Variants in RPTOR observed in about 807,000 individuals in gnomAD.
RPTOR encodes regulatory associated protein of MTOR complex 1, also known as regulatory-associated protein of mTOR.
A neutral mutation model predicts 169.9 loss-of-function variants in RPTOR; 21 were observed. The observed-to-expected ratio is 0.12, with a 90% CI of 0.09 to 0.18. The LOEUF is 0.18. Among genes scored for constraint, RPTOR ranks in the 10% least tolerant of loss-of-function variants. The pLI is 1.00. For synonymous variants in RPTOR, 732 were observed against 753.2 expected, an observed-to-expected ratio of 0.97 and a Z score of 0.46; for missense variants, 1,133 against 1,855.9, an observed-to-expected ratio of 0.61 and a Z score of 7.16.
At chr17:80,594,653 A>AT (rs1181098281) in intron 1 of RPTOR, among the ~76,000 whole-genome samples, 1 of 152,226 alleles carries the variant, frequency 6.6e-6, no homozygotes, top group Non-Finnish European at 1.5e-5. Flanking sequence ...CAGCACAAGA[A>AT]TAAAGCCTTT....
intron 1 of RPTOR, among the ~76,000 whole-genome samples, chr17:80,560,556 T>C (rs2084469382): frequency 6.6e-6 from 1 of 151,906 alleles, no homozygotes; most frequent in Non-Finnish European, 1.5e-5. Flanking sequence ...TCTAAGCCAG[T>C]AGCTGAAACA....
At chr17:80,756,541 T>G (rs1416371864) in intron 6 of RPTOR, among the ~76,000 whole-genome samples, 4 of 152,176 alleles carry the variant, frequency 2.6e-5, no homozygotes, top group Non-Finnish European at 5.9e-5. Context: ...GATGGTGGAA[T>G]AGAAGCCTCC....
At chr17:80,690,560 A>G (rs1401487580) in intron 3 of RPTOR, among the ~76,000 whole-genome samples, 1 of 150,792 alleles carries the variant, frequency 6.6e-6, no homozygotes, top group Non-Finnish European at 1.5e-5. Context: ...CGATCTCGTC[A>G]GTGGCTTCTC....
intron 1 of RPTOR, among the ~76,000 whole-genome samples, chr17:80,547,779 T>C (rs1488041488): frequency 6.6e-6 from 1 of 152,044 alleles, no homozygotes; most frequent in East Asian, 1.9e-4. Flanking sequence ...CATAAGAGAA[T>C]GAAACAGGCC....
chr17:80,851,488 T>A (rs2067792780), intron 11 of RPTOR, among the ~76,000 whole-genome samples: 1 of 78,696 alleles, frequency 1.3e-5, no homozygotes, highest in Admixed American at 1.5e-4. Context: ...AGGAAGATGA[T>A]GTAATGTTTG....
rs566863616 is a variant in RPTOR, at chr17:80,960,260, G to T, written c.3605+55G>T. On this transcript the variant is annotated intron_variant, in intron 30 of 33. Coordinates refer to ENST00000306801, the MANE Select transcript of RPTOR (RefSeq NM_020761.3). The surrounding 1 kb of genome is among the most constrained non-coding windows in gnomAD (Gnocchi z 4.8). ...AGTGCTGGCAGGGTACCTTCCAGGT[G>T]GTAGGGCCGTGTCACTGCCATTTGG... 6.1e-5 allele frequency: 98 copies of T among 1,606,680 alleles called. No individual in the cohort carries two copies. In the African/African-American group the frequency reaches 1.2e-3, roughly 20 times the overall value.
chr17:80,831,651 G>A (rs1318165835), intron 9 of RPTOR, among the ~76,000 whole-genome samples: 1 of 152,230 alleles, frequency 6.6e-6, no homozygotes, highest in Non-Finnish European at 1.5e-5. Context: ...AACTTCCACA[G>A]AGGGCAGCAG....
At chr17:80,850,461 G>T (rs927423288) in intron 11 of RPTOR, among the ~76,000 whole-genome samples, 1 of 152,210 alleles carries the variant, frequency 6.6e-6, no homozygotes, top group Non-Finnish European at 1.5e-5. Context: ...GTCCTCTGTT[G>T]AGGGGTGATC....
At chr17:80,952,928 G>A (rs1207256742) in intron 28 of RPTOR, among the ~76,000 whole-genome samples, 3 of 130,610 alleles carry the variant, frequency 2.3e-5, no homozygotes, top group African/African-American at 9.3e-5. Flanking sequence ...GCAGTGGCGT[G>A]ATCTTGGCTC....
rs971705932 is a variant in RPTOR at position 80,609,161 on chromosome 17, G to T, written c.163-16530G>T. 6.6e-6 allele frequency among the ~76,000 whole-genome samples: 1 copy of T among 152,174 alleles called. No homozygotes were observed. The highest frequency in any genetic ancestry group is 1.5e-5 in the Non-Finnish European group (1 of 68,030). On this transcript the variant is annotated intron_variant, in intron 1 of 33. Coordinates refer to ENST00000306801, the MANE Select transcript of RPTOR (RefSeq NM_020761.3). This position sits in a 1 kb window ranked among gnomAD's most constrained non-coding sequence, Gnocchi z 4.8. ...CACTAGCCTGCCTCGGGCTGCAGGG[G>T]GCGGGGAGCACATGCGGCGTGCAGA...
rs1166441558 is a variant in RPTOR, at chr17:80,964,804, C to T, written c.*474C>T. ...CGAGAGGCGCTGCCCCAGCCAGGCC[C>T]ACCACCTCTCACAGTCAGTGCACGC... is the stretch of plus-strand genomic sequence containing the variant. On this transcript the variant is annotated 3_prime_UTR_variant, in exon 34 of 34. Transcript: ENST00000306801. 1 of 241,282 alleles carries T rather than the reference C, an allele frequency of 4.1e-6. No homozygotes were observed. The highest frequency in any genetic ancestry group is 2.2e-5 in the African/African-American group (1 of 45,554). The allele number at this position is 241,282 out of a possible 1,614,324, so 14.9% of individuals were successfully genotyped here. A position where few individuals can be genotyped will look rare whatever the true frequency, so the allele number is the denominator to read the frequency against.
At chr17:80,638,368 T>G (rs2065525062) in intron 2 of RPTOR, among the ~76,000 whole-genome samples, 1 of 152,106 alleles carries the variant, frequency 6.6e-6, no homozygotes, top group East Asian at 1.9e-4. Context: ...ACCTTGGCTC[T>G]TTGGGGCTTA....
At chr17:80,744,324 GCCCTGGCTACTAGCAC>G (rs1388981276) in intron 5 of RPTOR, among the ~76,000 whole-genome samples, 3 of 111,874 alleles carry the variant, frequency 2.7e-5, no homozygotes, top group Non-Finnish European at 5.6e-5. Context: ...TACTAGCACA[GCCCTGGCTACTAGCAC>G]AGCCCTGGCT....
At chr17:80,554,886 A>G (rs117822302) in intron 1 of RPTOR, among the ~76,000 whole-genome samples, 386 of 152,356 alleles carry the variant, frequency 2.5e-3, no homozygotes, top group Non-Finnish European at 4.5e-3. Flanking sequence ...GATAACTGAC[A>G]ATTTTTGAAA....
At chr17:80,846,339 C>T (rs1249987237) in intron 10 of RPTOR, 134 bp from the exon 11 acceptor site, 9 of 820,862 alleles carry the variant, frequency 1.1e-5, no homozygotes, top group Admixed American at 6.7e-5. Flanking sequence ...GCTTCTCAGC[C>T]GCCTGGCATC....
chr17:80,679,046 A>G lies in RPTOR; in HGVS notation c.349-28795A>G, dbSNP rs138724522. Among the ~76,000 whole-genome samples, 399 of 152,330 alleles carry G rather than the reference A, an allele frequency of 2.6e-3. 3 individuals are homozygous for G. Among genetic ancestry groups the G allele is most frequent in the African/African-American group, 9.4e-3 (389 of 41,584 alleles). On this transcript the variant is annotated intron_variant, in intron 3 of 33. Coordinates refer to ENST00000306801, the MANE Select transcript of RPTOR (RefSeq NM_020761.3). ...CTTCTTCTGATTATTCACACTGTCC[A>G]TTATTGATTACTCCTTATCCCCTTT...
chr17:80,615,104 T>C (rs1451997969), intron 1 of RPTOR, among the ~76,000 whole-genome samples: 1 of 152,124 alleles, frequency 6.6e-6, no homozygotes, highest in African/African-American at 2.4e-5. Flanking sequence ...CTGAGTCTGT[T>C]CCCGCCAGGT....
At chr17:80,737,110 C>A (rs1356367258) in intron 5 of RPTOR, among the ~76,000 whole-genome samples, 1 of 152,128 alleles carries the variant, frequency 6.6e-6, no homozygotes, top group Non-Finnish European at 1.5e-5. Context: ...TCTCTGTTTC[C>A]TCCAGCATAA....
rs542758366 is a variant in RPTOR, at chr17:80,795,682, T to A, written c.890+4173T>A. Among the ~76,000 whole-genome samples, 3 of 152,262 alleles carry A rather than the reference T, an allele frequency of 2.0e-5. No individual in the cohort carries two copies. The East Asian group carries it at 5.8e-4, about 29-fold the overall frequency. ...GAGTGTGGTGGGAAGAATATGGACGTTGGAGTCCGAGCAGCTCCATCTGGC... is the reference window on the plus strand; with the variant it reads ...GAGTGTGGTGGGAAGAATATGGACGATGGAGTCCGAGCAGCTCCATCTGGC... On this transcript the variant is annotated intron_variant, in intron 7 of 33. Coordinates refer to ENST00000306801, the MANE Select transcript of RPTOR (RefSeq NM_020761.3).
Sources: allele counts gnomAD v4.1 joint callset (sites outside exome capture counted in the v4.1 genomes callset), GRCh38; gene constraint gnomAD v4.1.1; non-coding constraint Gnocchi (gnomAD v3.1); transcripts MANE v1.5; gene names NCBI Gene and HGNC (gene_info 2026-07-23, HGNC 2026-07-21).